TJP1: variants seen among roughly 807,000 people sequenced by gnomAD.
TJP1 encodes tight junction protein 1, also known as tight junction protein ZO-1.
TJP1 carries 43 observed loss-of-function variants against 194.2 expected under a neutral mutation model. The ratio of observed to expected loss-of-function variants is 0.22; its 90% confidence interval spans 0.17 to 0.29. TJP1 has a LOEUF of 0.29. Ranked by LOEUF, TJP1 falls within the 10% of genes least tolerant of loss-of-function variation. The pLI is 1.00. For missense variants in TJP1, 1,971 were observed against 2,185.7 expected (o/e 0.90, Z 1.96); for synonymous variants, 801 against 779.0 (o/e 1.03, Z -0.47).
chr15:29,940,346 A>C (rs1172615411), intron 2 of TJP1, among the ~76,000 whole-genome samples: 1 of 152,212 alleles, frequency 6.6e-6, no homozygotes, highest in Non-Finnish European at 1.5e-5. Flanking sequence ...GTACACAGTC[A>C]GGCCTCACGA....
At chr15:29,740,266 C>T (rs1403254296) in intron 10 of TJP1, among the ~76,000 whole-genome samples, 5 of 152,192 alleles carry the variant, frequency 3.3e-5, no homozygotes, top group African/African-American at 9.6e-5. Context: ...TAAGCCACTG[C>T]GCCCGGCCCG....
intron 25 of TJP1, among the ~76,000 whole-genome samples, chr15:29,705,969 T>A (rs2041872059): frequency 6.6e-6 from 1 of 152,234 alleles, no homozygotes; most frequent in South Asian, 2.1e-4. Flanking sequence ...TCTCACTCTG[T>A]CGCCCAGGCT....
intron 19 of TJP1, 157 bp downstream of exon 19, chr15:29,720,201 A>G: frequency 1.8e-6 from 2 of 1,127,938 alleles, no homozygotes; most frequent in Non-Finnish European, 2.5e-6. Context: ...ACAAACACAC[A>G]AAATTTAGAA....
intron 2 of TJP1, among the ~76,000 whole-genome samples, chr15:29,836,134 T>G (rs561942333): frequency 3.3e-4 from 50 of 152,240 alleles, no homozygotes; most frequent in Non-Finnish European, 1.3e-4. Flanking sequence ...GAGGAGGAAG[T>G]AAATGTGTGA....
At chr15:29,923,611 T>A (rs527772330) in intron 2 of TJP1, among the ~76,000 whole-genome samples, 2 of 152,008 alleles carry the variant, frequency 1.3e-5, no homozygotes, top group African/African-American at 4.8e-5. Context: ...AATAGGAAAA[T>A]CTATAAAGAC....
intron 10 of TJP1, among the ~76,000 whole-genome samples, chr15:29,740,861 ATT>A (rs2044367019): frequency 6.6e-6 from 1 of 152,036 alleles, no homozygotes; most frequent in South Asian, 2.1e-4. Flanking sequence ...TCTAGAGATA[ATT>A]CTAATTGTCA....
At chr15:29,819,534 T>C (rs1359938749) in intron 1 of TJP1, among the ~76,000 whole-genome samples, 1 of 152,230 alleles carries the variant, frequency 6.6e-6, no homozygotes, top group Non-Finnish European at 1.5e-5. Context: ...TGGACCTCCC[T>C]GGTTCCTGAA....
chr15:29,708,124 G>A (rs1275117746), intron 25 of TJP1, among the ~76,000 whole-genome samples: 3 of 151,716 alleles, frequency 2.0e-5, no homozygotes, highest in Admixed American at 6.6e-5. Context: ...TGAACCCAGG[G>A]GGTGGAGGTT....
At chr15:29,822,552 G>GGGGGC, upstream of TJP1, 8 of 890,202 alleles carry the variant, frequency 9.0e-6, no homozygotes, top group Non-Finnish European at 1.1e-5. Context: ...GAGGCGGGGA[G>GGGGGC]GGGGCGGGGC....
At chr15:29,706,499 T>G (rs1002161896) in intron 25 of TJP1, among the ~76,000 whole-genome samples, 1 of 151,858 alleles carries the variant, frequency 6.6e-6, no homozygotes, top group African/African-American at 2.4e-5. Context: ...TTGGCAATAT[T>G]CCAAAATCCA....
intron 2 of TJP1, among the ~76,000 whole-genome samples, chr15:29,787,029 G>A (rs1157129831): frequency 6.6e-6 from 1 of 152,142 alleles, no homozygotes; most frequent in Non-Finnish European, 1.5e-5. Context: ...GATAAAGGGA[G>A]TGTATCTTAG....
At chr15:29,727,300 C>A (rs1040416835) in intron 16 of TJP1, among the ~76,000 whole-genome samples, 3 of 152,086 alleles carry the variant, frequency 2.0e-5, no homozygotes, top group African/African-American at 7.2e-5. Flanking sequence ...GCCGAGATCA[C>A]GCCACTGCAG....
At chr15:29,862,332 C>A (rs1047034383) in intron 2 of TJP1, among the ~76,000 whole-genome samples, 2 of 152,094 alleles carry the variant, frequency 1.3e-5, no homozygotes, top group African/African-American at 4.8e-5. Flanking sequence ...GTAAACAGTA[C>A]AACATGGGAT....
intron 2 of TJP1, among the ~76,000 whole-genome samples, chr15:29,853,294 A>G (rs1393173436): frequency 6.6e-6 from 1 of 152,206 alleles, no homozygotes; most frequent in Non-Finnish European, 1.5e-5. Flanking sequence ...TAACAAGGCA[A>G]CATGAGAGAG....
intron 2 of TJP1, among the ~76,000 whole-genome samples, chr15:29,879,123 C>CA (rs890857101): frequency 3.0e-4 from 46 of 152,020 alleles, no homozygotes; most frequent in African/African-American, 1.1e-3. Context: ...GACTCCGTCT[C>CA]AAAAAAATAA....
At chr15:29,818,954 A>AAGCTAC (rs1222188086) in intron 1 of TJP1, among the ~76,000 whole-genome samples, 1 of 150,986 alleles carries the variant, frequency 6.6e-6, no homozygotes, top group African/African-American at 2.4e-5. Context: ...AGTAGCTGGG[A>AAGCTAC]TTATAGGCAC....
Position 29,710,831 on chromosome 15 carries a change from C to T in TJP1, c.4372G>A (p.Gly1458Ser). 2 of 1,613,938 alleles carry T rather than the reference C, an allele frequency of 1.2e-6. No homozygotes were observed. The highest frequency in any genetic ancestry group is 8.5e-7 in the Non-Finnish European group (1 of 1,180,044). The change falls in exon 24 of 28, where the codon GGT becomes AGT. Residue 1458 changes from glycine to serine, a missense_variant and splice_region_variant. Coordinates refer to ENST00000614355, the MANE Select transcript of TJP1 (RefSeq NM_001330239.4). ...AAATGTCTACTTCCGAACTTCCTACCTTCACCATGTGCTCCCTTAGAATGT... is the reference window on the plus strand; with the variant it reads ...AAATGTCTACTTCCGAACTTCCTACTTTCACCATGTGCTCCCTTAGAATGT... ...HIHSKGAHGE[G>S]NSVSLDFQNS...
intron 2 of TJP1, among the ~76,000 whole-genome samples, chr15:29,778,888 G>A (rs1295426346): frequency 6.6e-6 from 1 of 152,118 alleles, no homozygotes; most frequent in Non-Finnish European, 1.5e-5. Flanking sequence ...GTACACACTT[G>A]TGCTACTTAA....
At chr15:29,899,097 T>C (rs2053562694) in intron 2 of TJP1, among the ~76,000 whole-genome samples, 1 of 152,162 alleles carries the variant, frequency 6.6e-6, no homozygotes, top group African/African-American at 2.4e-5. Flanking sequence ...CCAATTAGGT[T>C]AATCTCTATT....
Sources: gnomAD v4.1 joint callset for allele counts (sites outside exome capture counted in the v4.1 genomes callset) on GRCh38, gnomAD v4.1.1 for gene constraint, MANE v1.5 for transcripts, NCBI Gene and HGNC (gene_info 2026-07-23, HGNC 2026-07-21) for gene names.